SEMA3E: variants seen among roughly 807,000 people sequenced by gnomAD.
SEMA3E encodes semaphorin 3E, also known as semaphorin-3E.
A neutral mutation model predicts 93.6 loss-of-function variants in SEMA3E; 49 were observed. The ratio of observed to expected loss-of-function variants is 0.52; its 90% CI spans 0.42 to 0.66. SEMA3E has a LOEUF of 0.66. Among genes scored for constraint, SEMA3E ranks in the 30% least tolerant of loss-of-function variants. The pLI, the probability that SEMA3E is intolerant of heterozygous loss-of-function variation, is 0.00. For synonymous variants in SEMA3E, 363 were observed against 330.7 expected, an observed-to-expected ratio of 1.10 and a Z score of -1.06; for missense variants, 906 against 964.8, an observed-to-expected ratio of 0.94 and a Z score of 0.81.
intron 2 of SEMA3E, among the ~76,000 whole-genome samples, chr7:83,473,297 C>T (rs774379596): frequency 6.6e-6 from 1 of 152,154 alleles, no homozygotes; most frequent in African/African-American, 2.4e-5. Flanking sequence ...TCAGGTACAG[C>T]CTTTTCCAGT....
At chr7:83,564,115 G>T (rs1792092148) in intron 1 of SEMA3E, among the ~76,000 whole-genome samples, 1 of 152,076 alleles carries the variant, frequency 6.6e-6, no homozygotes, top group Non-Finnish European at 1.5e-5. Context: ...AATGGGCAGT[G>T]AACTCACTTT....
chr7:83,516,541 T>C (rs920132330), intron 1 of SEMA3E, among the ~76,000 whole-genome samples: 2 of 152,180 alleles, frequency 1.3e-5, no homozygotes, highest in African/African-American at 2.4e-5. Context: ...GAGTTTCTAT[T>C]ATTTGATTTT....
chr7:83,422,279 A>G (rs895735121), intron 4 of SEMA3E, among the ~76,000 whole-genome samples: 1 of 152,186 alleles, frequency 6.6e-6, no homozygotes, highest in Admixed American at 6.5e-5. Flanking sequence ...AAGCCAAAAA[A>G]GTTTTACCTT....
chr7:83,490,878 T>C (rs1169997969), intron 1 of SEMA3E, among the ~76,000 whole-genome samples: 1 of 152,150 alleles, frequency 6.6e-6, no homozygotes, highest in East Asian at 1.9e-4. Context: ...ATGTTTTACC[T>C]ATATACATGT....
chr7:83,388,067 T>C (rs1214526318), intron 14 of SEMA3E, among the ~76,000 whole-genome samples: 1 of 148,342 alleles, frequency 6.7e-6, no homozygotes, highest in Non-Finnish European at 1.5e-5. Context: ...TCCTAGCACT[T>C]TGGGAGGCCA....
At chr7:83,378,995 C>A (rs10954722) in intron 16 of SEMA3E, among the ~76,000 whole-genome samples, 18,331 of 151,676 alleles carry the variant, frequency 0.12, 1,142 homozygotes, top group East Asian at 0.15. Flanking sequence ...TGGAATCAAC[C>A]TGAATGTCTG....
chr7:83,624,908 A>G (rs181711555), intron 1 of SEMA3E, among the ~76,000 whole-genome samples: 273 of 152,138 alleles, frequency 1.8e-3, no homozygotes, highest in African/African-American at 6.3e-3. Flanking sequence ...TGTATAAGGT[A>G]AAAGGAAAGG....
At chr7:83,418,083 AT>A (rs1788591924) in intron 5 of SEMA3E, among the ~76,000 whole-genome samples, 1 of 152,146 alleles carries the variant, frequency 6.6e-6, no homozygotes, top group Non-Finnish European at 1.5e-5. Flanking sequence ...CTCTGGCAAA[AT>A]TTTTATAAAG....
At chr7:83,539,577 G>A (rs2115756585) in intron 1 of SEMA3E, among the ~76,000 whole-genome samples, 1 of 151,272 alleles carries the variant, frequency 6.6e-6, no homozygotes, top group Non-Finnish European at 1.5e-5. Flanking sequence ...TTCTTGGTTT[G>A]CTAAATCAGT....
chr7:83,592,079 A>G lies in SEMA3E; in HGVS notation c.115+56349T>C, dbSNP rs1477347606. On this transcript the variant is annotated intron_variant, in intron 1 of 16. Coordinates refer to ENST00000643230, the MANE Select transcript of SEMA3E (RefSeq NM_012431.3). ...TATATTAAAATAGCATGGTGCTTATATATTAATGAATATTTTAACAGTTTA... is the reference window on the plus strand; with the variant it reads ...TATATTAAAATAGCATGGTGCTTATGTATTAATGAATATTTTAACAGTTTA... Among the ~76,000 whole-genome samples the G allele has an allele frequency of 3.3e-5, 5 of 152,134 alleles. No homozygotes were observed. The East Asian group carries it at 9.6e-4, about 29-fold the overall frequency.
At chr7:83,627,447 G>A (rs908375199) in intron 1 of SEMA3E, among the ~76,000 whole-genome samples, 5 of 151,732 alleles carry the variant, frequency 3.3e-5, no homozygotes, top group African/African-American at 1.2e-4. Flanking sequence ...TCTATTAGAT[G>A]CAGATATATT....
intron 4 of SEMA3E, among the ~76,000 whole-genome samples, chr7:83,451,630 G>GT (rs1352905581): frequency 1.3e-5 from 2 of 152,210 alleles, no homozygotes; most frequent in African/African-American, 4.8e-5. Flanking sequence ...CTGGGTGCAA[G>GT]TGTGCATTGT....
chr7:83,632,213 A>G (rs924660272), intron 1 of SEMA3E, among the ~76,000 whole-genome samples: 3 of 152,104 alleles, frequency 2.0e-5, no homozygotes, highest in African/African-American at 7.2e-5. Flanking sequence ...TAAACAAAGC[A>G]AGCATCTCTG....
chr7:83,635,882 A>C (rs1203703787), intron 1 of SEMA3E, among the ~76,000 whole-genome samples: 3 of 22,014 alleles, frequency 1.4e-4, no homozygotes, highest in Non-Finnish European at 1.6e-4. Flanking sequence ...ACAGACTGAC[A>C]AAAAAAAAAA....
chr7:83,517,554 C>T (rs186263040), intron 1 of SEMA3E, among the ~76,000 whole-genome samples: 3 of 152,224 alleles, frequency 2.0e-5, no homozygotes, highest in Admixed American at 6.5e-5. Context: ...GTTATAACTA[C>T]ACCCACTTCT....
chr7:83,518,321 A>T (rs1350019744), intron 1 of SEMA3E, among the ~76,000 whole-genome samples: 1 of 152,126 alleles, frequency 6.6e-6, no homozygotes, highest in Non-Finnish European at 1.5e-5. Flanking sequence ...AGCTCAGAAA[A>T]AAAAAGATAG....
intron 1 of SEMA3E, among the ~76,000 whole-genome samples, chr7:83,645,123 A>G (rs1458565543): frequency 6.6e-6 from 1 of 151,938 alleles, no homozygotes; most frequent in Non-Finnish European, 1.5e-5. Flanking sequence ...CCTTCCCTGT[A>G]ACCTCATTAG....
rs1434583166 is a variant in SEMA3E, at chr7:83,648,630, G to A, written c.-88C>T. 12 of 940,152 alleles carry A rather than the reference G, an allele frequency of 1.3e-5. No individual in the cohort carries two copies. Among genetic ancestry groups the A allele is most frequent in the East Asian group, 2.6e-5 (1 of 38,616 alleles). The allele number at this position is 940,152 out of a possible 1,614,324, so 58.2% of individuals were successfully genotyped here. ...GGACTTCCCTCCAGGGGCAGCGTGC[G>A]AGAGGCTTTGTCAGAAATCGAACGC... On this transcript the variant is annotated 5_prime_UTR_variant, in exon 1 of 17. Transcript: ENST00000643230.
Position 83,403,108 on chromosome 7 carries a change from C to T in SEMA3E, c.999-332G>A, listed in dbSNP as rs983791256. On this transcript the variant is annotated intron_variant, in intron 9 of 16. Coordinates refer to ENST00000643230, the MANE Select transcript of SEMA3E (RefSeq NM_012431.3). ...CCTTCATATTAACAAAGGCTTATTCCCAAGTTGAATTACTCATTTAGATAT... is the reference window on the plus strand; with the variant it reads ...CCTTCATATTAACAAAGGCTTATTCTCAAGTTGAATTACTCATTTAGATAT... 4.2e-4 allele frequency among the ~76,000 whole-genome samples: 63 copies of T among 151,702 alleles called. 2 individuals carry two copies. Among genetic ancestry groups the T allele is most frequent in the African/African-American group, 1.4e-3 (56 of 41,400 alleles).
Sources: gnomAD v4.1 joint callset for allele counts (sites outside exome capture counted in the v4.1 genomes callset) on GRCh38, gnomAD v4.1.1 for gene constraint, MANE v1.5 for transcripts, NCBI Gene and HGNC (gene_info 2026-07-23, HGNC 2026-07-21) for gene names.